The following CDH7 variants were observed in gnomAD, a reference collection of about 807,000 sequenced individuals.
CDH7 encodes cadherin-7.
In CDH7, 25 loss-of-function variants were observed where a neutral mutation model predicts 71.8. The observed-to-expected ratio is 0.35, with a 90% CI of 0.25 to 0.49. The LOEUF (loss-of-function observed/expected upper bound fraction) is 0.49. Ranked by LOEUF, CDH7 falls within the 20% of genes least tolerant of loss-of-function variation. CDH7 has a pLI of 0.99. For missense variants in CDH7, 862 were observed against 974.6 expected (o/e 0.88, Z 1.54); for synonymous variants, 381 against 363.8 (o/e 1.05, Z -0.54).
At chr18:65,793,370 C>G (rs1164615012) in intron 2 of CDH7, among the ~76,000 whole-genome samples, 2 of 148,542 alleles carry the variant, frequency 1.3e-5, no homozygotes, top group Non-Finnish European at 3.0e-5. Context: ...GAGGTGGAGT[C>G]TTGTAGTGCC....
intron 5 of CDH7, 63 bp from the exon 6 acceptor site, chr18:65,824,581 A>G: frequency 4.6e-6 from 5 of 1,076,262 alleles, no homozygotes; most frequent in South Asian, 2.2e-5. Flanking sequence ...AAATAACCCA[A>G]TATTTAAATT....
intron 2 of CDH7, among the ~76,000 whole-genome samples, chr18:65,773,081 C>T (rs1421229313): frequency 6.6e-6 from 1 of 152,026 alleles, no homozygotes; most frequent in Non-Finnish European, 1.5e-5. Context: ...TAACTTTGTG[C>T]TCAACCAGAG....
intron 5 of CDH7, among the ~76,000 whole-genome samples, chr18:65,824,025 T>C (rs888195829): frequency 1.6e-5 from 2 of 127,820 alleles, no homozygotes; most frequent in African/African-American, 5.4e-5. Context: ...AGTTATTTTT[T>C]TCTCTTTCAC....
rs534898011 is a variant in CDH7 at position 65,825,515 on chromosome 18, GATATTTA to G, written c.981+687_981+693del. ...CAATTTAGAGATATGACTTTTTACA[GATATTTA>G]ATCAAAAATAATAACTCAAAAGCTA... On this transcript the variant is annotated intron_variant, in intron 6 of 11. Coordinates refer to ENST00000397968, the MANE Select transcript of CDH7 (RefSeq NM_004361.5). 1.6e-4 allele frequency among the ~76,000 whole-genome samples: 24 copies of G among 151,824 alleles called. No individual in the cohort carries two copies. The East Asian group carries it at 4.6e-3, about 29-fold the overall frequency.
At chr18:65,835,471 A>G (rs1388183115) in intron 6 of CDH7, among the ~76,000 whole-genome samples, 1 of 152,158 alleles carries the variant, frequency 6.6e-6, no homozygotes, top group Non-Finnish European at 1.5e-5. Context: ...CTATTAGCCT[A>G]TCTCATAAAA....
At chr18:65,778,899 AAACT>A (rs1910067361) in intron 2 of CDH7, among the ~76,000 whole-genome samples, 1 of 152,100 alleles carries the variant, frequency 6.6e-6, no homozygotes, top group African/African-American at 2.4e-5. Flanking sequence ...TTTCTTCTAC[AAACT>A]AATAGATTCT....
chr18:65,861,949 C>A (rs1222139265), intron 10 of CDH7, among the ~76,000 whole-genome samples: 6 of 151,998 alleles, frequency 3.9e-5, no homozygotes, highest in Non-Finnish European at 8.8e-5. Flanking sequence ...CTAACACACA[C>A]AAAACATATT....
rs928582295 is a variant in CDH7 at position 65,888,525 on chromosome 18, A to G, written c.*7631A>G. On this transcript the variant is annotated 3_prime_UTR_variant, in exon 12 of 12. Transcript: ENST00000397968. Reference sequence around the variant, plus strand: ...CAACTCGGTACAGAAAATGAGTATCATTGTAATTAAAGTTTGATATTTTCT... The same window carrying G: ...CAACTCGGTACAGAAAATGAGTATCGTTGTAATTAAAGTTTGATATTTTCT... 1 of 152,118 alleles carries G rather than the reference A, an allele frequency of 6.6e-6. No individual in the cohort carries two copies. The highest frequency in any genetic ancestry group is 1.5e-5 in the Non-Finnish European group (1 of 68,020). The allele number at this position is 152,118 out of a possible 1,614,324, so 9.4% of individuals were successfully genotyped here. A position where few individuals can be genotyped will look rare whatever the true frequency, so the allele number is the denominator to read the frequency against.
chr18:65,839,253 A>G (rs1216694055), intron 6 of CDH7, among the ~76,000 whole-genome samples: 1 of 152,216 alleles, frequency 6.6e-6, no homozygotes, highest in Admixed American at 6.5e-5. Flanking sequence ...GGATGTTTAA[A>G]CAGCCAATAT....
intron 7 of CDH7, among the ~76,000 whole-genome samples, chr18:65,847,251 G>A (rs1912966255): frequency 6.6e-6 from 1 of 152,146 alleles, no homozygotes; most frequent in Non-Finnish European, 1.5e-5. Context: ...TAACAATTGT[G>A]ACCTTTGTGC....
At chr18:65,863,811 T>G (rs1913666010) in intron 11 of CDH7, 1 of 152,200 alleles carries the variant, frequency 6.6e-6, no homozygotes, top group African/African-American at 2.4e-5. Context: ...TAACTCAGAT[T>G]TTGCAGCATC....
At chr18:65,777,037 A>T (rs1044340959) in intron 2 of CDH7, among the ~76,000 whole-genome samples, 7 of 152,302 alleles carry the variant, frequency 4.6e-5, no homozygotes, top group African/African-American at 1.7e-4. Flanking sequence ...CAAAAGGGGA[A>T]CTATTGCCAG....
chr18:65,776,995 A>T (rs1359222739), intron 2 of CDH7, among the ~76,000 whole-genome samples: 1 of 152,178 alleles, frequency 6.6e-6, no homozygotes, highest in Non-Finnish European at 1.5e-5. Flanking sequence ...TAATAGTTTT[A>T]CTGACATGTA....
chr18:65,854,203 G>A lies in CDH7; in HGVS notation c.1236-3613G>A, dbSNP rs548332175. Reference sequence around the variant, plus strand: ...TGTGTGTAGACCTTGCTCCTTGGGAGGCTGAGATGGGAGGATCACTTGAGC... The same window carrying A: ...TGTGTGTAGACCTTGCTCCTTGGGAAGCTGAGATGGGAGGATCACTTGAGC... On this transcript the variant is annotated intron_variant, in intron 7 of 11. Transcript: ENST00000397968. 5.8e-4 allele frequency among the ~76,000 whole-genome samples: 88 copies of A among 151,654 alleles called. 4 individuals carry two copies. Among genetic ancestry groups the A allele is most frequent in the Admixed American group, 9.2e-4 (14 of 15,194 alleles).
chr18:65,758,497 A>G lies in CDH7; in HGVS notation c.-196-4150A>G, dbSNP rs571685480. Among the ~76,000 whole-genome samples, 3 of 152,342 alleles carry G rather than the reference A, an allele frequency of 2.0e-5. No homozygotes were observed. In the East Asian group the frequency reaches 5.8e-4, roughly 29 times the overall value. ...ACGTGAAACATCCTCACTTCAGATC[A>G]CAATGGTTCACACACTGTTTTCTGA... On this transcript the variant is annotated intron_variant, in intron 1 of 11. Coordinates refer to ENST00000397968, the MANE Select transcript of CDH7 (RefSeq NM_004361.5).
chr18:65,821,256 A>G lies in CDH7; in HGVS notation c.626-825A>G, dbSNP rs148082194. On this transcript the variant is annotated intron_variant, in intron 4 of 11. Coordinates refer to ENST00000397968, the MANE Select transcript of CDH7 (RefSeq NM_004361.5). ...TGCTTTGTTGTAAATTTAAGTTAATAGAAGTATTGAAAAGCAAACATGAAA... is the reference window on the plus strand; with the variant it reads ...TGCTTTGTTGTAAATTTAAGTTAATGGAAGTATTGAAAAGCAAACATGAAA... 4.0e-3 allele frequency among the ~76,000 whole-genome samples: 614 copies of G among 152,274 alleles called. 6 individuals carry two copies. The highest frequency in any genetic ancestry group is 0.02 in the Middle Eastern group (6 of 294).
At position 65,762,841 on chromosome 18, in the gene CDH7, A is replaced by T. The variant is rs1916234258; in HGVS notation, c.-2A>T. The T allele has an allele frequency of 6.3e-7, 1 of 1,596,414 alleles. No individual in the cohort carries two copies. The highest frequency in any genetic ancestry group is 8.5e-7 in the Non-Finnish European group (1 of 1,174,666). On this transcript the variant is annotated 5_prime_UTR_variant, in exon 2 of 12. It adds an upstream start codon to the 5' untranslated region. Transcript: ENST00000397968. ...CACAGGAAAAAGAAAGAAAAAAAAA[A>T]GATGAAGTTGGGCAAAGTGGAGTTC...
At position 65,890,171 on chromosome 18, in the gene CDH7, T is replaced by C. The variant is rs1240378308; in HGVS notation, c.*9277T>C. 9.9e-5 allele frequency: 15 copies of C among 152,206 alleles called. No homozygotes were observed. The highest frequency in any genetic ancestry group is 9.8e-4 in the Admixed American group (15 of 15,272). The allele number at this position is 152,206 out of a possible 1,614,324, so 9.4% of individuals were successfully genotyped here. A position where few individuals can be genotyped will look rare whatever the true frequency, so the allele number is the denominator to read the frequency against. On this transcript the variant is annotated 3_prime_UTR_variant, in exon 12 of 12. Coordinates refer to ENST00000397968, the MANE Select transcript of CDH7 (RefSeq NM_004361.5). ...GAAGCTTTACCGACTTTGTACGACT[T>C]GGTTTAATTTATTCAGCTTAATGGT...
chr18:65,798,028 C>T (rs1335044244), intron 2 of CDH7, among the ~76,000 whole-genome samples: 4 of 152,074 alleles, frequency 2.6e-5, no homozygotes, highest in African/African-American at 9.7e-5. Context: ...AGCACTTGAG[C>T]GAACATAAGA....
Sources: allele counts gnomAD v4.1 joint callset (sites outside exome capture counted in the v4.1 genomes callset), GRCh38; gene constraint gnomAD v4.1.1; transcripts MANE v1.5; gene names NCBI Gene and HGNC (gene_info 2026-07-23, HGNC 2026-07-21).